NBAS: variants seen among roughly 807,000 people sequenced by gnomAD.
The protein encoded by NBAS is NAG/BC035112 fusion.
NBAS carries 219 observed loss-of-function variants against 302.5 expected under a neutral mutation model. The ratio of observed to expected loss-of-function variants is 0.72; its 90% CI spans 0.65 to 0.81. NBAS has a LOEUF of 0.81. Among genes scored for constraint, NBAS ranks in the 30% least tolerant of loss-of-function variants. The pLI is 0.00. For missense variants in NBAS, 2,932 were observed against 2,841.6 expected, an observed-to-expected ratio of 1.03 and a Z score of -0.72; for synonymous variants, 1,118 against 1,021.6, an observed-to-expected ratio of 1.09 and a Z score of -1.80.
rs139934182 is a variant in NBAS, at chr2:15,478,382, G to A, written c.1084-93C>T. On this transcript the variant is annotated intron_variant, in intron 12 of 51. Coordinates refer to ENST00000281513, the MANE Select transcript of NBAS (RefSeq NM_015909.4). ...TGTGGACTTTTTCAAATAAAGAGAT[G>A]ACGCTTTCCCTTGATCTCTCAATTA... 5.1e-4 allele frequency: 459 copies of A among 904,940 alleles called. 3 individuals carry two copies. In the African/African-American group the frequency reaches 6.8e-3, roughly 13 times the overall value. 56.1% of individuals were successfully genotyped at this position (904,940 alleles called of 1,614,324 possible). A position where few individuals can be genotyped will look rare whatever the true frequency, so the allele number is the denominator to read the frequency against.
In NBAS at chr2:15,185,056, A is replaced by G. The variant is rs114282509; in HGVS notation, c.6711+1686T>C. Among the ~76,000 whole-genome samples the G allele has an allele frequency of 4.6e-3, 706 of 152,320 alleles. 8 individuals are homozygous for G. The highest frequency in any genetic ancestry group is 0.016 in the African/African-American group (673 of 41,572). On this transcript the variant is annotated intron_variant, in intron 50 of 51. Transcript: ENST00000281513. ...TATGAGAGACATTCAATATTCATGT[A>G]TCTCCCAAAGGTAGTAGGAATGGCT...
the NBAS span, among the ~76,000 whole-genome samples, chr2:14,790,740 C>T: frequency 1.3e-5 from 2 of 151,800 alleles, no homozygotes; most frequent in African/African-American, 4.9e-5. Context: ...CAACCTCTGC[C>T]TCCTGGGTTC....
At chr2:14,932,683 T>G in the NBAS span, among the ~76,000 whole-genome samples, 5 of 152,228 alleles carry the variant, frequency 3.3e-5, no homozygotes, top group Admixed American at 2.0e-4. Context: ...CTAATCTTCC[T>G]GAAAGAAACT....
intron 40 of NBAS, among the ~76,000 whole-genome samples, chr2:15,299,728 T>C (rs1670710793): frequency 6.6e-6 from 1 of 152,138 alleles, no homozygotes; most frequent in African/African-American, 2.4e-5. Context: ...AAAATACATT[T>C]ACAACAATTA....
the NBAS span, among the ~76,000 whole-genome samples, chr2:15,108,687 C>T: frequency 4.2e-4 from 64 of 152,202 alleles, no homozygotes; most frequent in African/African-American, 1.3e-3. Flanking sequence ...AGCTTATATC[C>T]GCCCGTGTGA....
chr2:15,499,572 T>C (rs1044269359), intron 11 of NBAS, among the ~76,000 whole-genome samples: 5 of 151,970 alleles, frequency 3.3e-5, no homozygotes, highest in African/African-American at 1.2e-4. Context: ...TGAGAACACA[T>C]AGACACATAG....
chr2:15,281,300 A>C (rs540244607), intron 42 of NBAS, among the ~76,000 whole-genome samples: 1 of 152,350 alleles, frequency 6.6e-6, no homozygotes, highest in South Asian at 2.1e-4. Flanking sequence ...CCTTGCCAAC[A>C]AAAACAGTTT....
the NBAS span, among the ~76,000 whole-genome samples, chr2:14,849,495 G>A: frequency 6.6e-6 from 1 of 151,766 alleles, no homozygotes; most frequent in South Asian, 2.1e-4. Context: ...AACCAAGTTG[G>A]AAAACACTCT....
At chr2:15,315,892 G>A (rs1671486502) in intron 38 of NBAS, among the ~76,000 whole-genome samples, 2 of 152,066 alleles carry the variant, frequency 1.3e-5, no homozygotes, top group Non-Finnish European at 2.9e-5. Context: ...CATCAAAACT[G>A]TCTCAGCAGC....
chr2:15,323,910 A>G (rs751947436), intron 38 of NBAS, among the ~76,000 whole-genome samples: 15 of 26,248 alleles, frequency 5.7e-4, no homozygotes, highest in Admixed American at 7.8e-4. Flanking sequence ...ACAGTTTCTG[A>G]AAAAAAAAAA....
chr2:14,869,553 G>T, the NBAS span, among the ~76,000 whole-genome samples: 2 of 151,932 alleles, frequency 1.3e-5, no homozygotes, highest in East Asian at 3.9e-4. Flanking sequence ...CCCTAATTCT[G>T]CATGTGGTTT....
chr2:14,994,545 C>T, the NBAS span, among the ~76,000 whole-genome samples: 1 of 152,146 alleles, frequency 6.6e-6, no homozygotes, highest in Admixed American at 6.5e-5. Context: ...AGCAAGGGGC[C>T]TTGGATGTGG....
At chr2:15,140,832 T>C in the NBAS span, among the ~76,000 whole-genome samples, 1 of 152,186 alleles carries the variant, frequency 6.6e-6, no homozygotes, top group Non-Finnish European at 1.5e-5. Flanking sequence ...TTGTACTAAA[T>C]AGGGTTGTTT....
At chr2:15,358,657 C>T (rs11691392) in intron 32 of NBAS, among the ~76,000 whole-genome samples, 78,604 of 151,788 alleles carry the variant, frequency 0.52, 23,433 homozygotes, top group Non-Finnish European at 0.68. Flanking sequence ...ATGACCCAGG[C>T]CAGTCTTGAA....
At chr2:14,904,466 G>A in the NBAS span, among the ~76,000 whole-genome samples, 1 of 152,202 alleles carries the variant, frequency 6.6e-6, no homozygotes, top group African/African-American at 2.4e-5. Context: ...GATGGAGGCT[G>A]GAAGACTCAG....
At chr2:15,473,175 T>C in intron 16 of NBAS, 47 bp downstream of exon 16, 2 of 1,598,484 alleles carry the variant, frequency 1.3e-6, no homozygotes, top group Non-Finnish European at 1.7e-6. Flanking sequence ...ACAAAAGATA[T>C]TACATGAATA....
chr2:15,088,047 C>T, the NBAS span, among the ~76,000 whole-genome samples: 380 of 152,282 alleles, frequency 2.5e-3, 1 homozygote, highest in African/African-American at 8.2e-3. Flanking sequence ...AGGAGATACC[C>T]GTAGGGTGAG....
At chr2:15,295,789 C>T (rs1437035925) in intron 40 of NBAS, among the ~76,000 whole-genome samples, 1 of 152,152 alleles carries the variant, frequency 6.6e-6, no homozygotes, top group Non-Finnish European at 1.5e-5. Flanking sequence ...ATTGGACTGG[C>T]TTTGAAGTCT....
At chr2:15,117,410 G>C in the NBAS span, among the ~76,000 whole-genome samples, 1 of 152,170 alleles carries the variant, frequency 6.6e-6, no homozygotes, top group Non-Finnish European at 1.5e-5. Context: ...TTCAGGTCCT[G>C]TTCAGAGCCC....
Sources: allele counts gnomAD v4.1 joint callset (sites outside exome capture counted in the v4.1 genomes callset), GRCh38; gene constraint gnomAD v4.1.1; transcripts MANE v1.5; gene names NCBI Gene and HGNC (gene_info 2026-07-23, HGNC 2026-07-21).